Variants in ZNF605 observed in about 807,000 individuals in gnomAD.
The protein encoded by ZNF605 is zinc finger protein 605.
A neutral mutation model predicts 7.9 loss-of-function variants in ZNF605; 9 were observed. The observed-to-expected ratio is 1.14, with a 90% CI of 0.68 to 1.98. The LOEUF is 1.98. ZNF605 is among the 30% of genes most tolerant of loss of function. The probability of loss-of-function intolerance (pLI) is 0.00; values close to 1 mark genes in which losing one functional copy is unlikely to be tolerated. For missense variants in ZNF605, 673 were observed against 762.4 expected (o/e 0.88, Z 1.38); for synonymous variants, 255 against 260.1 (o/e 0.98, Z 0.19).
In ZNF605 at chr12:132,918,360, CAT is replaced by C. The variant is rs1424160697; in HGVS notation, c.*7011_*7012del. 13 of 152,210 alleles carry C rather than the reference CAT, an allele frequency of 8.5e-5. No homozygotes were observed. The highest frequency in any genetic ancestry group is 3.1e-4 in the African/African-American group (13 of 41,434). 9.4% of individuals were successfully genotyped at this position (152,210 alleles called of 1,614,324 possible). On this transcript the variant is annotated 3_prime_UTR_variant, in exon 5 of 5. Coordinates refer to ENST00000360187, the MANE Select transcript of ZNF605 (RefSeq NM_183238.4). ...ATTGCTCCCAGTGATCACACTCACA[CAT>C]ATGAATTCATGAAACAGTTTACTCA...
At chr12:132,951,138 C>T (rs1032710651) in intron 1 of ZNF605, among the ~76,000 whole-genome samples, 35 of 151,986 alleles carry the variant, frequency 2.3e-4, no homozygotes, top group Middle Eastern at 6.8e-3. Context: ...AAGTACATCA[C>T]GCATACACAC....
In ZNF605 at chr12:132,923,145, G is replaced by A. The variant is rs1000756595; in HGVS notation, c.*2228C>T. 7 of 152,082 alleles carry A rather than the reference G, an allele frequency of 4.6e-5. No individual in the cohort carries two copies. Among genetic ancestry groups the A allele is most frequent in the East Asian group, 1.9e-4 (1 of 5,206 alleles). 9.4% of individuals were successfully genotyped at this position (152,082 alleles called of 1,614,324 possible). ...TAAAAATTCACACTTAAGTGTTATCGTCATCACACTTTACTTCTAAATAAA... is the reference window on the plus strand; with the variant it reads ...TAAAAATTCACACTTAAGTGTTATCATCATCACACTTTACTTCTAAATAAA... On this transcript the variant is annotated 3_prime_UTR_variant, in exon 5 of 5. Transcript: ENST00000360187.
In ZNF605 at chr12:132,951,125, C is replaced by T. The variant is rs753622013; in HGVS notation, c.-285-2855G>A. On this transcript the variant is annotated intron_variant, in intron 1 of 4. Coordinates refer to ENST00000360187, the MANE Select transcript of ZNF605 (RefSeq NM_183238.4). ...TCACAGACGTACAGACACACTGATA[C>T]ACAAGTACATCACGCATACACACAC... Among the ~76,000 whole-genome samples, 498 of 151,620 alleles carry T rather than the reference C, an allele frequency of 3.3e-3. 4 individuals are homozygous for T. Among genetic ancestry groups the T allele is most frequent in the South Asian group, 0.017 (84 of 4,804 alleles).
chr12:132,930,953 G>A (rs1202897724), intron 4 of ZNF605, among the ~76,000 whole-genome samples: 6 of 152,230 alleles, frequency 3.9e-5, no homozygotes, highest in East Asian at 1.9e-4. Context: ...AGGCCAAGGC[G>A]GGAGGATCAC....
chr12:132,925,949 T>C lies in ZNF605; in HGVS notation c.1350A>G (p.Glu450=), dbSNP rs1952242318. Residue 450 remains glutamate (E), a synonymous_variant, in exon 5 of 5, where the codon GAA becomes GAG. Coordinates refer to ENST00000360187, the MANE Select transcript of ZNF605 (RefSeq NM_183238.4). The part of the protein sequence containing the change: ...HRTHTGEKPY[E]CSECGKAFTQ... ...TGAAGGCCTTCCCACACTCACTGCA[T>C]TCATAAGGCTTCTCCCCAGTGTGTG... 3 of 1,613,694 alleles carry C rather than the reference T, an allele frequency of 1.9e-6. No individual in the cohort carries two copies. Among genetic ancestry groups the C allele is most frequent in the Non-Finnish European group, 2.5e-6 (3 of 1,179,930 alleles).
chr12:132,952,873 C>T (rs1023508247), intron 1 of ZNF605, among the ~76,000 whole-genome samples: 49 of 152,208 alleles, frequency 3.2e-4, no homozygotes, highest in African/African-American at 1.1e-3. Flanking sequence ...AGCCAACCCA[C>T]GACCCATTCA....
Position 132,926,677 on chromosome 12 carries a change from G to GTGAAAAGGCTTT in ZNF605, c.610_621dup (p.Lys204_Ser207dup). 6.2e-7 allele frequency: 1 copy of GTGAAAAGGCTTT among 1,613,736 alleles called. No individual in the cohort carries two copies. The highest frequency in any genetic ancestry group is 8.5e-7 in the Non-Finnish European group (1 of 1,179,922). ...TGATGAACCGTGAGCAGTGACTTCTGTGAAAAGGCTTTTCCACACTCACTG... is the reference window on the plus strand; with the variant it reads ...TGATGAACCGTGAGCAGTGACTTCTGTGAAAAGGCTTTTGAAAAGGCTTTTCCACACTCACTG... On this transcript the variant is annotated inframe_insertion, in exon 5 of 5. Transcript: ENST00000360187.
chr12:132,943,358 CAA>C (rs1331280015), intron 3 of ZNF605, among the ~76,000 whole-genome samples: 7 of 98,076 alleles, frequency 7.1e-5, no homozygotes, highest in Admixed American at 1.1e-4. Flanking sequence ...GACTCCATCT[CAA>C]AAAAAAAAAA....
At chr12:132,934,914 G>C (rs1952347957) in intron 3 of ZNF605, among the ~76,000 whole-genome samples, 1 of 152,160 alleles carries the variant, frequency 6.6e-6, no homozygotes, top group East Asian at 1.9e-4. Context: ...AAGACAGTAA[G>C]GCTTAGAAAG....
At chr12:132,954,465 G>C in intron 1 of ZNF605, among the ~76,000 whole-genome samples, 2 of 149,576 alleles carry the variant, frequency 1.3e-5, no homozygotes, top group East Asian at 2.0e-4. Context: ...AGGGTGGGGA[G>C]GGGAGGAGAA....
intron 4 of ZNF605, among the ~76,000 whole-genome samples, chr12:132,931,999 C>G (rs924782350): frequency 2.0e-5 from 3 of 152,240 alleles, no homozygotes; most frequent in Admixed American, 6.5e-5. Flanking sequence ...CCATGGCACA[C>G]TGCAGCTTCC....
rs1952235926 is a variant in ZNF605, at chr12:132,925,329, G to A, written c.*44C>T. 7.0e-7 allele frequency: 1 copy of A among 1,426,676 alleles called. No homozygotes were observed. Among genetic ancestry groups the A allele is most frequent in the African/African-American group, 1.4e-5 (1 of 69,980 alleles). 88.4% of individuals were successfully genotyped at this position (1,426,676 alleles called of 1,614,324 possible). A position where few individuals can be genotyped will look rare whatever the true frequency, so the allele number is the denominator to read the frequency against. On this transcript the variant is annotated 3_prime_UTR_variant, in exon 5 of 5. Coordinates refer to ENST00000360187, the MANE Select transcript of ZNF605 (RefSeq NM_183238.4). ...CATCCTCAAAAGTGTCAGAAAGTAT[G>A]ACACTTGATAGCAACCTTTCTGCAT...
At chr12:132,955,837 C>T (rs2137174904) in intron 1 of ZNF605, among the ~76,000 whole-genome samples, 2 of 152,126 alleles carry the variant, frequency 1.3e-5, no homozygotes, top group South Asian at 4.2e-4. Context: ...TCCCAGGGGC[C>T]CCTCTCCCCT....
At chr12:132,954,086 A>G (rs1295586834) in intron 1 of ZNF605, among the ~76,000 whole-genome samples, 1 of 151,638 alleles carries the variant, frequency 6.6e-6, no homozygotes, top group South Asian at 2.1e-4. Context: ...TTTATTCCTA[A>G]TCCTCCACAG....
intron 4 of ZNF605, among the ~76,000 whole-genome samples, chr12:132,929,784 A>C (rs908368041): frequency 2.0e-5 from 3 of 151,988 alleles, no homozygotes; most frequent in African/African-American, 7.3e-5. Context: ...ATTTCTACTA[A>C]AAATACAACA....
rs1256634273 is a variant in ZNF605, at chr12:132,926,077, A to T, written c.1222T>A (p.Leu408Ile). Residue 408 changes from leucine to isoleucine, a missense_variant, in exon 5 of 5, where the codon TTA becomes ATA. Physicochemically the swap from Leu to Ile is conservative, Grantham distance 5. Transcript: ENST00000360187. ...CEEAFFKKSE[L>I]IRHQKIHLGE... ...AAGTGAATTTTTTGATGTCTTATTA[A>T]CTCTGACTTCTTAAAGAAGGCCTCC... 6.2e-7 allele frequency: 1 copy of T among 1,613,856 alleles called. No individual in the cohort carries two copies.
chr12:132,937,467 A>G (rs1952380174), intron 3 of ZNF605, among the ~76,000 whole-genome samples: 2 of 152,100 alleles, frequency 1.3e-5, no homozygotes, highest in Admixed American at 6.6e-5. Flanking sequence ...TATAATGAAA[A>G]ACTACTATGT....
chr12:132,930,913 T>G (rs1171416114), intron 4 of ZNF605, among the ~76,000 whole-genome samples: 2 of 152,194 alleles, frequency 1.3e-5, no homozygotes, highest in Non-Finnish European at 2.9e-5. Flanking sequence ...CTGTGCATTA[T>G]GGCTCTTCCT....
intron 3 of ZNF605, among the ~76,000 whole-genome samples, chr12:132,938,716 T>G (rs1483555196): frequency 6.6e-6 from 1 of 152,124 alleles, no homozygotes; most frequent in Admixed American, 6.5e-5. Flanking sequence ...TGGCCAAGGC[T>G]GGAGCCCACT....
Sources: allele counts gnomAD v4.1 joint callset (sites outside exome capture counted in the v4.1 genomes callset), GRCh38; gene constraint gnomAD v4.1.1; transcripts MANE v1.5; gene names NCBI Gene and HGNC (gene_info 2026-07-23, HGNC 2026-07-21).